Variants in PITPNC1 observed in about 807,000 individuals in gnomAD.
The protein encoded by PITPNC1 is cytoplasmic phosphatidylinositol transfer protein 1.
Under a neutral mutation model 44.7 loss-of-function variants are expected in PITPNC1, and 18 were observed. The observed-to-expected ratio is 0.40, with a 90% CI of 0.28 to 0.60. PITPNC1 has a LOEUF of 0.60. PITPNC1 is among the 20% of genes least tolerant of loss of function. The pLI is 0.39. For missense variants in PITPNC1, 290 were observed against 418.4 expected (o/e 0.69, Z 2.68); for synonymous variants, 141 against 149.6 (o/e 0.94, Z 0.42).
intron 5 of PITPNC1, among the ~76,000 whole-genome samples, chr17:67,599,335 C>T (rs970443294): frequency 1.3e-5 from 2 of 151,680 alleles, no homozygotes; most frequent in African/African-American, 2.4e-5. Flanking sequence ...AATCCAAAGC[C>T]GAGACCTAGA....
Position 67,647,463 on chromosome 17 carries a change from G to GTTTT in PITPNC1, c.462+15225_462+15226insTTTT, listed in dbSNP as rs1567757487. ...ACACCATCACACCCAGCTAATTTTG[G>GTTTT]GTTTTTTTTTTTTTTTTTTTTTTTT... On this transcript the variant is annotated intron_variant, in intron 6 of 8. Transcript: ENST00000581322. Among the ~76,000 whole-genome samples, 377 of 90,580 alleles carry GTTTT rather than the reference G, an allele frequency of 4.2e-3. 33 individuals are homozygous for GTTTT. Among genetic ancestry groups the GTTTT allele is most frequent in the African/African-American group, 0.018 (357 of 19,918 alleles). The allele number at this position is 90,580 out of a possible 152,430, so 59.4% of individuals were successfully genotyped here.
chr17:67,406,271 T>G (rs1328259328), intron 1 of PITPNC1, among the ~76,000 whole-genome samples: 2 of 152,096 alleles, frequency 1.3e-5, no homozygotes, highest in African/African-American at 4.8e-5. Context: ...GCCTCCTGAG[T>G]AGCTGGATTT....
chr17:67,532,608 G>A (rs76835425), intron 1 of PITPNC1, among the ~76,000 whole-genome samples, 194 bp from the exon 2 acceptor site: 4 of 152,066 alleles, frequency 2.6e-5, no homozygotes, highest in African/African-American at 9.7e-5. Flanking sequence ...ACGGGAACAC[G>A]CCGTCTCGAT....
At chr17:67,411,913 G>A (rs1231231799) in intron 1 of PITPNC1, among the ~76,000 whole-genome samples, 1 of 152,110 alleles carries the variant, frequency 6.6e-6, no homozygotes, top group Non-Finnish European at 1.5e-5. Context: ...GGCAGAGCCA[G>A]GATTTGAACC....
In PITPNC1 at chr17:67,550,775, T is replaced by A. The variant is rs150484090; in HGVS notation, c.198-1482T>A. ...TTATCGGGCTGGAATAAAAATGAAA[T>A]CATGGGCCGGGCGCAGTCGCTCACA... On this transcript the variant is annotated intron_variant, in intron 2 of 8. Transcript: ENST00000581322. 4.6e-5 allele frequency among the ~76,000 whole-genome samples: 7 copies of A among 152,094 alleles called. No homozygotes were observed. The East Asian group carries it at 5.8e-4, about 13-fold the overall frequency.
chr17:67,381,921 G>A (rs2037966338), intron 1 of PITPNC1, among the ~76,000 whole-genome samples: 2 of 152,296 alleles, frequency 1.3e-5, no homozygotes, highest in South Asian at 2.1e-4. Context: ...GGTGGCGGGC[G>A]GTGGAGCATT....
At chr17:67,644,135 C>T (rs1224270276) in intron 6 of PITPNC1, among the ~76,000 whole-genome samples, 1 of 152,306 alleles carries the variant, frequency 6.6e-6, no homozygotes, top group Non-Finnish European at 1.5e-5. Flanking sequence ...CCGGATGGCA[C>T]GTGTCTCTGC....
chr17:67,551,018 A>G (rs1412141235), intron 2 of PITPNC1, among the ~76,000 whole-genome samples: 1 of 152,190 alleles, frequency 6.6e-6, no homozygotes, highest in African/African-American at 2.4e-5. Flanking sequence ...CCGAGACTGC[A>G]CCAGTGCACT....
chr17:67,530,376 C>T (rs1309427356), intron 1 of PITPNC1, among the ~76,000 whole-genome samples: 1 of 151,942 alleles, frequency 6.6e-6, no homozygotes, highest in East Asian at 1.9e-4. Context: ...CAGGCGTGAG[C>T]CACTGTGCCT....
intron 5 of PITPNC1, among the ~76,000 whole-genome samples, chr17:67,586,425 CAAAAAAA>C (rs33998127): frequency 1.1e-4 from 12 of 110,592 alleles, no homozygotes; most frequent in Middle Eastern, 8.8e-3. Flanking sequence ...GTTTCTACTT[CAAAAAAA>C]AAAAAAAAAA....
intron 5 of PITPNC1, among the ~76,000 whole-genome samples, chr17:67,590,889 G>T (rs1162830859): frequency 6.6e-6 from 1 of 151,768 alleles, no homozygotes; most frequent in Non-Finnish European, 1.5e-5. Context: ...GGAGATGGAG[G>T]TTGCACTGAG....
intron 4 of PITPNC1, among the ~76,000 whole-genome samples, chr17:67,563,959 A>G (rs934272849): frequency 6.6e-6 from 1 of 152,164 alleles, no homozygotes; most frequent in Non-Finnish European, 1.5e-5. Flanking sequence ...TAGATAGATG[A>G]TTGATAGATA....
chr17:67,608,673 T>G (rs1445246842), intron 5 of PITPNC1, among the ~76,000 whole-genome samples: 2 of 150,400 alleles, frequency 1.3e-5, no homozygotes, highest in African/African-American at 2.4e-5. Flanking sequence ...CTAGTTTTTT[T>G]TTTTTTTTTT....
In PITPNC1 at chr17:67,665,926, C is replaced by T. The variant is rs549370644; in HGVS notation, c.463-3582C>T. On this transcript the variant is annotated intron_variant, in intron 6 of 8. Transcript: ENST00000581322. The stretch of plus-strand genomic sequence containing the variant: ...CACAATCTCGGCTCACTGCAACCTC[C>T]GTTTCCTGGATTCAAGCGCTTCTCT... Among the ~76,000 whole-genome samples the T allele has an allele frequency of 2.2e-4, 34 of 151,854 alleles. No homozygotes were observed. In the South Asian group the frequency reaches 5.6e-3, roughly 25 times the overall value.
rs1192385995 is a variant in PITPNC1, at chr17:67,482,255, A to C, written c.49-50547A>C. ...ATAATGTAAAAATTATCTTTTAAAT[A>C]ATTTTTTAAATATATGGTTTTAAAG... On this transcript the variant is annotated intron_variant, in intron 1 of 8. Coordinates refer to ENST00000581322, the MANE Select transcript of PITPNC1 (RefSeq NM_012417.4). Among the ~76,000 whole-genome samples the C allele has an allele frequency of 1.4e-4, 21 of 152,160 alleles. 1 individual carries two copies. The highest frequency in any genetic ancestry group is 1.4e-3 in the Admixed American group (21 of 15,274).
At chr17:67,509,952 C>T (rs962907686) in intron 1 of PITPNC1, among the ~76,000 whole-genome samples, 1 of 152,186 alleles carries the variant, frequency 6.6e-6, no homozygotes, top group Non-Finnish European at 1.5e-5. Flanking sequence ...ACACAGCCGG[C>T]TCAAATCGGA....
At chr17:67,401,814 G>A (rs2038317189) in intron 1 of PITPNC1, among the ~76,000 whole-genome samples, 1 of 151,424 alleles carries the variant, frequency 6.6e-6, no homozygotes, top group East Asian at 1.9e-4. Context: ...CTGCACTCAA[G>A]CCTAGAAGAC....
intron 1 of PITPNC1, among the ~76,000 whole-genome samples, chr17:67,489,032 T>C (rs1483651622): frequency 6.6e-6 from 1 of 152,212 alleles, no homozygotes; most frequent in Non-Finnish European, 1.5e-5. Context: ...CTTTTGACTA[T>C]TGTGAATAGT....
intron 5 of PITPNC1, among the ~76,000 whole-genome samples, chr17:67,589,553 A>G (rs528257242): frequency 6.6e-6 from 1 of 151,896 alleles, no homozygotes; most frequent in South Asian, 2.1e-4. Flanking sequence ...GGCAATACCA[A>G]GTATCAAGGT....
Sources: allele counts gnomAD v4.1 joint callset (sites outside exome capture counted in the v4.1 genomes callset), GRCh38; gene constraint gnomAD v4.1.1; transcripts MANE v1.5; gene names NCBI Gene and HGNC (gene_info 2026-07-23, HGNC 2026-07-21).